The following CEP63 variants were observed in gnomAD, a reference collection of about 807,000 sequenced individuals.
The protein encoded by CEP63 is centrosomal protein of 63 kDa.
A neutral mutation model predicts 89.1 loss-of-function variants in CEP63; 84 were observed. The observed-to-expected ratio is 0.94, with a 90% confidence interval of 0.79 to 1.13. CEP63 has a LOEUF of 1.13. Ranked by LOEUF, CEP63 falls within the 50% of genes most tolerant of loss-of-function variation. CEP63 has a pLI of 0.00. For synonymous variants in CEP63, 267 were observed against 272.5 expected, an observed-to-expected ratio of 0.98 and a Z score of 0.20; for missense variants, 838 against 813.3, an observed-to-expected ratio of 1.03 and a Z score of -0.37.
chr3:134,550,327 T>A, intron 11 of CEP63, 67 bp downstream of exon 11: 1 of 1,378,580 alleles, frequency 7.3e-7, no homozygotes, highest in African/African-American at 1.4e-5. Context: ...ATTAAAGACA[T>A]AATTTTCATA....
chr3:134,499,820 C>CTTTT (rs747946881), intron 2 of CEP63, among the ~76,000 whole-genome samples: 1,400 of 98,998 alleles, frequency 0.014, 41 homozygotes, highest in Non-Finnish European at 0.018. Flanking sequence ...CCATCTTCAT[C>CTTTT]TTTTTTTTTT....
At chr3:134,699,154 C>A in the CEP63 span, among the ~76,000 whole-genome samples, 2 of 152,212 alleles carry the variant, frequency 1.3e-5, no homozygotes, top group East Asian at 3.9e-4. Context: ...CCTGGATAAA[C>A]ATATCTGTCC....
chr3:134,724,100 T>C, the CEP63 span, among the ~76,000 whole-genome samples: 5 of 152,184 alleles, frequency 3.3e-5, no homozygotes, highest in Non-Finnish European at 7.3e-5. Context: ...GCTGATTCCC[T>C]GGGATGCGAG....
At chr3:134,734,845 G>A in the CEP63 span, among the ~76,000 whole-genome samples, 2 of 152,096 alleles carry the variant, frequency 1.3e-5, no homozygotes, top group Non-Finnish European at 2.9e-5. Flanking sequence ...AACTCCATTT[G>A]TAGTATATAC....
chr3:134,762,787 G>A, the CEP63 span, among the ~76,000 whole-genome samples: 2 of 152,186 alleles, frequency 1.3e-5, no homozygotes, highest in South Asian at 2.1e-4. Flanking sequence ...GTGGCACTTC[G>A]TTACAGCAGT....
intron 5 of CEP63, chr3:134,535,724 C>G (rs1249175735): frequency 6.6e-6 from 1 of 152,174 alleles, no homozygotes; most frequent in African/African-American, 2.4e-5. Context: ...TTCTCTTCCT[C>G]ATCTCCCCAA....
At chr3:134,549,958 A>T (rs1954442371) in intron 10 of CEP63, 105 bp from the exon 11 acceptor site, 1 of 836,758 alleles carries the variant, frequency 1.2e-6, no homozygotes, top group Admixed American at 2.4e-5. Flanking sequence ...GAGAAATTTA[A>T]TGTCTTGAGA....
At chr3:134,754,709 G>T in the CEP63 span, among the ~76,000 whole-genome samples, 1 of 152,116 alleles carries the variant, frequency 6.6e-6, no homozygotes, top group African/African-American at 2.4e-5. Context: ...TACAAAGTGA[G>T]ATTTCTTTTA....
intron 6 of CEP63, among the ~76,000 whole-genome samples, chr3:134,537,702 G>C (rs1273326161): frequency 2.0e-5 from 3 of 151,884 alleles, no homozygotes; most frequent in Non-Finnish European, 4.4e-5. Flanking sequence ...ATGTCTTTCT[G>C]TCTCTTGTTG....
the CEP63 span, among the ~76,000 whole-genome samples, chr3:134,667,104 T>C: frequency 2.6e-5 from 4 of 152,060 alleles, no homozygotes; most frequent in Admixed American, 2.6e-4. Context: ...CCACAACAGC[T>C]CTCATTCATC....
the CEP63 span, among the ~76,000 whole-genome samples, chr3:134,777,054 A>G: frequency 6.6e-6 from 1 of 152,238 alleles, no homozygotes; most frequent in Non-Finnish European, 1.5e-5. Flanking sequence ...ATTTTTTAAA[A>G]GGAAGATTTC....
At chr3:134,644,521 G>A in the CEP63 span, among the ~76,000 whole-genome samples, 1 of 152,180 alleles carries the variant, frequency 6.6e-6, no homozygotes, top group East Asian at 1.9e-4. Context: ...GTGGCAGCTG[G>A]AGGTTCCCCC....
chr3:134,691,144 T>C, the CEP63 span, among the ~76,000 whole-genome samples: 1 of 152,188 alleles, frequency 6.6e-6, no homozygotes, highest in African/African-American at 2.4e-5. Flanking sequence ...GGCTTGAGCC[T>C]AGGCGTTTGA....
intron 12 of CEP63, chr3:134,552,225 C>A (rs754516229): frequency 5.7e-6 from 2 of 353,216 alleles, no homozygotes; most frequent in Non-Finnish European, 1.1e-5. Flanking sequence ...TTTTTTGAGA[C>A]GGGGTTTCAC....
At chr3:134,619,284 G>T in the CEP63 span, 1 of 1,580,508 alleles carries the variant, frequency 6.3e-7, no homozygotes, top group Non-Finnish European at 8.7e-7. Flanking sequence ...CAGGTGAGGG[G>T]ATCATGAAGA....
rs34638144 is a variant in CEP63 at position 134,515,814 on chromosome 3, T to TA, written c.222+8538dup. The stretch of plus-strand genomic sequence containing the variant: ...TAACACTAATGCTGGCTGATAAGCT[T>TA]AAAAAAAAAATCTTGTAATGTTTTA... On this transcript the variant is annotated intron_variant, in intron 3 of 14. Transcript: ENST00000675561. Among the ~76,000 whole-genome samples the TA allele has an allele frequency of 2.0e-3, 299 of 150,612 alleles. 1 individual carries two copies. Among genetic ancestry groups the TA allele is most frequent in the African/African-American group, 5.8e-3 (241 of 41,202 alleles).
intron 3 of CEP63, among the ~76,000 whole-genome samples, chr3:134,509,622 A>G (rs1463519908): frequency 6.6e-6 from 1 of 152,212 alleles, no homozygotes; most frequent in Non-Finnish European, 1.5e-5. Context: ...CAAATCCCCT[A>G]CTTGTAATAA....
chr3:134,721,759 G>A, the CEP63 span, among the ~76,000 whole-genome samples: 1 of 151,992 alleles, frequency 6.6e-6, no homozygotes, highest in African/African-American at 2.4e-5. Context: ...TTTTATTAAT[G>A]TGATGTCATA....
chr3:134,496,441 G>GT (rs1491338740), intron 2 of CEP63, among the ~76,000 whole-genome samples: 2 of 138,726 alleles, frequency 1.4e-5, no homozygotes, highest in Non-Finnish European at 3.2e-5. Context: ...AGGGGGGGGG[G>GT]GCTAAAGAAC....
Sources: allele counts gnomAD v4.1 joint callset (sites outside exome capture counted in the v4.1 genomes callset), GRCh38; gene constraint gnomAD v4.1.1; transcripts MANE v1.5; gene names NCBI Gene and HGNC (gene_info 2026-07-23, HGNC 2026-07-21).